LMX1A: variants seen among roughly 807,000 people sequenced by gnomAD.
The protein encoded by LMX1A is LIM homeobox transcription factor 1 alpha.
A neutral mutation model predicts 49.1 loss-of-function variants in LMX1A; 15 were observed. The ratio of observed to expected loss-of-function variants is 0.31; its 90% confidence interval spans 0.20 to 0.47. LMX1A has a LOEUF of 0.47. Ranked by LOEUF, LMX1A falls within the 20% of genes least tolerant of loss-of-function variation. The pLI is 1.00. For missense variants in LMX1A, 372 were observed against 475.8 expected (o/e 0.78, Z 2.03); for synonymous variants, 167 against 185.7 (o/e 0.90, Z 0.82).
Position 165,275,242 on chromosome 1 carries a change from T to G in LMX1A, c.264-25602A>C, listed in dbSNP as rs1016719369. Among the ~76,000 whole-genome samples, 14 of 152,328 alleles carry G rather than the reference T, an allele frequency of 9.2e-5. No individual in the cohort carries two copies. In the East Asian group the frequency reaches 1.3e-3, roughly 15 times the overall value. On this transcript the variant is annotated intron_variant, in intron 3 of 8. Transcript: ENST00000342310. Reference sequence around the variant, plus strand: ...CACCCGACAGCCCCGAGTCCTAGGCTGGAGCCTCTATCAGGCAAGCAATTT... The same window carrying G: ...CACCCGACAGCCCCGAGTCCTAGGCGGGAGCCTCTATCAGGCAAGCAATTT...
intron 3 of LMX1A, among the ~76,000 whole-genome samples, chr1:165,334,187 A>C (rs1283433704): frequency 6.6e-6 from 1 of 152,202 alleles, no homozygotes; most frequent in East Asian, 1.9e-4. Context: ...GAGACTGCCG[A>C]CTGACCCACA....
chr1:165,276,897 G>A (rs1486451101), intron 3 of LMX1A, among the ~76,000 whole-genome samples: 1 of 152,196 alleles, frequency 6.6e-6, no homozygotes, highest in Non-Finnish European at 1.5e-5. Flanking sequence ...GGGGAAACAG[G>A]GCTTTGAACA....
At chr1:165,206,157 T>G (rs1260853333) in intron 7 of LMX1A, 123 bp from the exon 8 acceptor site, 5 of 875,706 alleles carry the variant, frequency 5.7e-6, no homozygotes, top group Non-Finnish European at 8.5e-6. Flanking sequence ...GTCCCAGCCT[T>G]TGTCCTACCA....
At chr1:165,275,424 T>A (rs1653935236) in intron 3 of LMX1A, among the ~76,000 whole-genome samples, 1 of 152,206 alleles carries the variant, frequency 6.6e-6, no homozygotes, top group South Asian at 2.1e-4. Flanking sequence ...GTGGGAAACA[T>A]CCCAGTAAAA....
Position 165,257,355 on chromosome 1 carries a change from T to C in LMX1A, c.264-7715A>G, listed in dbSNP as rs534233873. 2.0e-5 allele frequency among the ~76,000 whole-genome samples: 3 copies of C among 151,952 alleles called. No homozygotes were observed. The East Asian group carries it at 5.9e-4, about 30-fold the overall frequency. On this transcript the variant is annotated intron_variant, in intron 3 of 8. Transcript: ENST00000342310. ...CAGTTAAGATGGCAGCCTCAGCTCA[T>C]GAGGGGGTCACGAAACAGGCCCATG...
intron 5 of LMX1A, among the ~76,000 whole-genome samples, chr1:165,212,213 G>T (rs1407225166): frequency 1.3e-5 from 2 of 152,212 alleles, no homozygotes; most frequent in Non-Finnish European, 2.9e-5. Flanking sequence ...TCCGTGGTGG[G>T]TGTGTGCTTC....
chr1:165,250,126 A>G (rs1441366383), intron 3 of LMX1A, among the ~76,000 whole-genome samples: 1 of 152,200 alleles, frequency 6.6e-6, no homozygotes, highest in Non-Finnish European at 1.5e-5. Flanking sequence ...GCTAATGCAT[A>G]CTGGGCTTAA....
At chr1:165,353,876 T>A (rs1483896782) in intron 2 of LMX1A, among the ~76,000 whole-genome samples, 1 of 152,138 alleles carries the variant, frequency 6.6e-6, no homozygotes, top group East Asian at 1.9e-4. Context: ...GGGTTTTTGA[T>A]AACTAAGAAG....
chr1:165,245,272 A>G (rs1202317630), intron 4 of LMX1A, among the ~76,000 whole-genome samples: 2 of 151,978 alleles, frequency 1.3e-5, no homozygotes, highest in East Asian at 3.9e-4. Flanking sequence ...CTAGAATCCT[A>G]GATGTAAGCC....
intron 3 of LMX1A, among the ~76,000 whole-genome samples, chr1:165,329,625 G>T (rs558403249): frequency 4.5e-5 from 5 of 111,220 alleles, no homozygotes. Flanking sequence ...CCCCACCCCC[G>T]CCACTGCAAA....
chr1:165,332,318 A>C (rs1655771952), intron 3 of LMX1A, among the ~76,000 whole-genome samples: 2 of 152,190 alleles, frequency 1.3e-5, no homozygotes, highest in Non-Finnish European at 2.9e-5. Context: ...TAATGAATGA[A>C]CTAGACACTT....
At chr1:165,206,185 C>T (rs904287403) in intron 7 of LMX1A, 151 bp from the exon 8 acceptor site, 1 of 631,488 alleles carries the variant, frequency 1.6e-6, no homozygotes, top group Non-Finnish European at 2.6e-6. Context: ...TCAGGAATCA[C>T]CTTGGAGGAC....
intron 4 of LMX1A, among the ~76,000 whole-genome samples, chr1:165,246,175 A>C (rs1472880698): frequency 6.6e-6 from 1 of 152,018 alleles, no homozygotes; most frequent in African/African-American, 2.4e-5. Context: ...TTGATCACTT[A>C]CTCTTCTCTT....
intron 3 of LMX1A, among the ~76,000 whole-genome samples, chr1:165,257,366 C>G (rs1295500191): frequency 6.6e-6 from 1 of 151,650 alleles, no homozygotes; most frequent in East Asian, 2.0e-4. Flanking sequence ...GAGGGGGTCA[C>G]GAAACAGGCC....
At chr1:165,329,185 C>T (rs1655670004) in intron 3 of LMX1A, among the ~76,000 whole-genome samples, 1 of 152,196 alleles carries the variant, frequency 6.6e-6, no homozygotes. Context: ...GTAACAGGAA[C>T]TGTCAAACAC....
At chr1:165,347,941 C>G (rs1297626430) in intron 3 of LMX1A, among the ~76,000 whole-genome samples, 2 of 127,132 alleles carry the variant, frequency 1.6e-5, no homozygotes, top group Non-Finnish European at 3.7e-5. Flanking sequence ...ATTAGAGAAA[C>G]AGCTCCTGCT....
At chr1:165,279,664 C>G (rs10732282) in intron 3 of LMX1A, among the ~76,000 whole-genome samples, 152,274 of 152,302 alleles carry the variant, frequency 1, 76,123 homozygotes, top group Non-Finnish European at 1. Flanking sequence ...TAGGACTGCA[C>G]AAATGGCATA....
Position 165,213,774 on chromosome 1 carries a change from T to A in LMX1A, c.536A>T (p.His179Leu). 6.2e-7 allele frequency: 1 copy of A among 1,614,182 alleles called. No individual in the cohort carries two copies. The highest frequency in any genetic ancestry group is 8.5e-7 in the Non-Finnish European group (1 of 1,180,018). ...CTCAGCAGTTCCTTTCCCTGCCCCA[T>A]GGGCTGACTTGCAGAGACTTTCTTC... ...DDEESLCKSAHGAGKGTAEEG... is the reference protein window; with the variant it reads ...DDEESLCKSALGAGKGTAEEG... Residue 179 changes from histidine to leucine, a missense_variant, in exon 5 of 9, where the codon CAT becomes CTT. By Grantham distance (99) the His-to-Leu change is moderately conservative (BLOSUM62 -3). Around this residue, in one of 3 missense-constraint regions of LMX1A, gnomAD observed 199 missense variants for 244.0 expected, o/e 0.82. Coordinates refer to ENST00000342310, the MANE Select transcript of LMX1A (RefSeq NM_177398.4).
intron 4 of LMX1A, among the ~76,000 whole-genome samples, chr1:165,233,185 C>T (rs4657416): frequency 0.11 from 16,122 of 152,170 alleles, 1,097 homozygotes; most frequent in Admixed American, 0.14. Context: ...CCGGGCACGG[C>T]GGCTCATGCC....
Sources: allele counts gnomAD v4.1 joint callset (sites outside exome capture counted in the v4.1 genomes callset), GRCh38; gene constraint gnomAD v4.1.1; regional missense constraint gnomAD v4.1.1; transcripts MANE v1.5; gene names NCBI Gene and HGNC (gene_info 2026-07-23, HGNC 2026-07-21).